SPECC1: variants seen among roughly 807,000 people sequenced by gnomAD.
SPECC1 encodes the protein cytospin-B.
SPECC1 carries 62 observed loss-of-function variants against 104.1 expected under a neutral mutation model. The observed-to-expected ratio is 0.60, with a 90% CI of 0.49 to 0.74. The LOEUF is 0.74. SPECC1 is among the 30% of genes least tolerant of loss of function. SPECC1 has a pLI of 0.00. For synonymous variants in SPECC1, 513 were observed against 501.6 expected (o/e 1.02, Z -0.30); for missense variants, 1,306 against 1,310.5 (o/e 1.00, Z 0.05).
At chr17:20,018,514 C>T (rs1014752744) in intron 1 of SPECC1, among the ~76,000 whole-genome samples, 1 of 152,248 alleles carries the variant, frequency 6.6e-6, no homozygotes, top group Admixed American at 6.5e-5. Context: ...CCTCGGCCTC[C>T]CAAAGCGCTG....
chr17:20,233,799 G>C (rs1286992998), intron 7 of SPECC1, among the ~76,000 whole-genome samples: 2 of 152,226 alleles, frequency 1.3e-5, no homozygotes, highest in Non-Finnish European at 2.9e-5. Flanking sequence ...GTTCTGGGTG[G>C]CCTCTGTGTC....
chr17:20,182,119 C>CTTTTTTTTTTTTTTTT lies in SPECC1; in HGVS notation c.284-22204_284-22203insTTTTTTTTTTTTTTTT, dbSNP rs57991209. ...CAATTTTTTCTTTTTCTTTCTTTTT[C>CTTTTTTTTTTTTTTTT]TTTTTTTTTTGGAGACAGGGCCTCA... On this transcript the variant is annotated intron_variant, in intron 3 of 14. Transcript: ENST00000395527. Among the ~76,000 whole-genome samples, 4 of 136,580 alleles carry CTTTTTTTTTTTTTTTT rather than the reference C, an allele frequency of 2.9e-5. 1 individual carries two copies. The highest frequency in any genetic ancestry group is 7.5e-5 in the Admixed American group (1 of 13,334). 89.6% of individuals were successfully genotyped at this position (136,580 alleles called of 152,430 possible).
intron 1 of SPECC1, among the ~76,000 whole-genome samples, chr17:20,069,662 T>C (rs2046477100): frequency 6.6e-6 from 1 of 152,226 alleles, no homozygotes; most frequent in Non-Finnish European, 1.5e-5. Flanking sequence ...GGTTCATTTC[T>C]GGACTGTCAA....
rs2042057786 is a variant in SPECC1 at position 20,317,733 on chromosome 17, C to G, written c.*3668C>G. 1 of 217,516 alleles carries G rather than the reference C, an allele frequency of 4.6e-6. No homozygotes were observed. The allele number at this position is 217,516 out of a possible 1,614,324, so 13.5% of individuals were successfully genotyped here. A position where few individuals can be genotyped will look rare whatever the true frequency, so the allele number is the denominator to read the frequency against. On this transcript the variant is annotated 3_prime_UTR_variant, in exon 15 of 15. Transcript: ENST00000395527. Reference sequence around the variant, plus strand: ...AGAGCAAGACCCTGTCACACACACACACAAAAAAAAGAAATACAGGTGGTG... The same window carrying G: ...AGAGCAAGACCCTGTCACACACACAGACAAAAAAAAGAAATACAGGTGGTG...
At chr17:20,226,763 G>A (rs1344796142) in intron 4 of SPECC1, among the ~76,000 whole-genome samples, 3 of 152,036 alleles carry the variant, frequency 2.0e-5, no homozygotes, top group East Asian at 3.9e-4. Context: ...TGTGCCTTCC[G>A]CCGACATTCT....
chr17:20,145,330 G>A (rs775475215), intron 3 of SPECC1, among the ~76,000 whole-genome samples: 2 of 152,218 alleles, frequency 1.3e-5, no homozygotes, highest in Admixed American at 6.5e-5. Context: ...TCGCTGGATT[G>A]TAACACTGAG....
intron 4 of SPECC1, among the ~76,000 whole-genome samples, chr17:20,221,233 G>A (rs2037854843): frequency 6.6e-6 from 1 of 152,144 alleles, no homozygotes; most frequent in Non-Finnish European, 1.5e-5. Context: ...AGTTTGAATA[G>A]GATTGGTATT....
chr17:20,125,487 A>G (rs536276598), intron 3 of SPECC1, among the ~76,000 whole-genome samples: 69 of 152,378 alleles, frequency 4.5e-4, no homozygotes, highest in Middle Eastern at 6.8e-3. Context: ...GCTGCATAGC[A>G]GGTCCCTCAA....
intron 1 of SPECC1, among the ~76,000 whole-genome samples, chr17:20,095,532 G>A (rs1478395506): frequency 6.6e-6 from 1 of 152,194 alleles, no homozygotes; most frequent in Non-Finnish European, 1.5e-5. Flanking sequence ...GAGAGACATT[G>A]TCAGGAGAAA....
intron 4 of SPECC1, among the ~76,000 whole-genome samples, chr17:20,214,502 C>T (rs2037358529): frequency 1.3e-5 from 2 of 151,992 alleles, no homozygotes; most frequent in African/African-American, 4.8e-5. Flanking sequence ...GAAAGACATT[C>T]ATTTTATTTA....
chr17:20,225,632 G>A (rs190705756), intron 4 of SPECC1, among the ~76,000 whole-genome samples: 1 of 152,288 alleles, frequency 6.6e-6, no homozygotes, highest in East Asian at 1.9e-4. Context: ...TGCTGCCAAG[G>A]GATGAGGGAG....
intron 3 of SPECC1, among the ~76,000 whole-genome samples, chr17:20,197,651 C>T (rs1199597143): frequency 6.6e-6 from 1 of 152,148 alleles, no homozygotes; most frequent in African/African-American, 2.4e-5. Flanking sequence ...AGTACTGCCA[C>T]ATGGTTACAA....
chr17:20,281,588 T>G (rs1221686219), intron 12 of SPECC1, among the ~76,000 whole-genome samples: 1 of 152,204 alleles, frequency 6.6e-6, no homozygotes, highest in African/African-American at 2.4e-5. Context: ...ATGAGGAGAT[T>G]TCTCCAACAT....
intron 3 of SPECC1, among the ~76,000 whole-genome samples, chr17:20,134,428 C>A (rs539039696): frequency 6.6e-6 from 1 of 151,736 alleles, no homozygotes; most frequent in Non-Finnish European, 1.5e-5. Flanking sequence ...CCTTTCACTG[C>A]CCCATACTCA....
chr17:20,023,656 G>C (rs1368769006), intron 1 of SPECC1, among the ~76,000 whole-genome samples: 3 of 152,154 alleles, frequency 2.0e-5, no homozygotes, highest in Non-Finnish European at 4.4e-5. Flanking sequence ...CATGGGGTGA[G>C]AGTATAGCTG....
rs116456531 is a variant in SPECC1 at position 20,079,706 on chromosome 17, A to G, written c.-21-16925A>G. Among the ~76,000 whole-genome samples the G allele has an allele frequency of 8.1e-3, 1,228 of 152,182 alleles. 23 individuals carry two copies. Among genetic ancestry groups the G allele is most frequent in the African/African-American group, 0.028 (1,142 of 41,478 alleles). ...CAGTGTGCTAGGCCCTAGGGAGACA[A>G]GGGTGAGCAAAAGAGAACGTGCCAG... is the stretch of plus-strand genomic sequence containing the variant. On this transcript the variant is annotated intron_variant, in intron 1 of 14. Transcript: ENST00000395527.
At chr17:20,299,971 A>G (rs1163392903) in intron 13 of SPECC1, among the ~76,000 whole-genome samples, 3 of 152,234 alleles carry the variant, frequency 2.0e-5, no homozygotes, top group Admixed American at 6.5e-5. Flanking sequence ...CACTGCCCAC[A>G]GGGCAACCAC....
intron 1 of SPECC1, among the ~76,000 whole-genome samples, chr17:20,079,206 G>A (rs898980423): frequency 6.6e-6 from 1 of 152,116 alleles, no homozygotes; most frequent in South Asian, 2.1e-4. Flanking sequence ...GTGCAGTTGC[G>A]TCCCCACACA....
chr17:20,202,403 T>C (rs986819850), intron 3 of SPECC1, among the ~76,000 whole-genome samples: 1 of 152,084 alleles, frequency 6.6e-6, no homozygotes, highest in Non-Finnish European at 1.5e-5. Context: ...ATGGGACCCA[T>C]ACAAAGTGCC....
Sources: allele counts gnomAD v4.1 joint callset (sites outside exome capture counted in the v4.1 genomes callset), GRCh38; gene constraint gnomAD v4.1.1; transcripts MANE v1.5; gene names NCBI Gene and HGNC (gene_info 2026-07-23, HGNC 2026-07-21).